Variants in ZNF280D observed in about 807,000 individuals in gnomAD.
ZNF280D encodes the protein zinc finger protein 280D.
Under a neutral mutation model 94.7 loss-of-function variants are expected in ZNF280D, and 39 were observed. The ratio of observed to expected loss-of-function variants is 0.41; its 90% confidence interval spans 0.32 to 0.54. The LOEUF (loss-of-function observed/expected upper bound fraction) is 0.54, where lower values mean the gene tolerates loss of function less well. Ranked by LOEUF, ZNF280D falls within the 20% of genes least tolerant of loss-of-function variation. ZNF280D has a pLI of 0.22. For missense variants in ZNF280D, 1,090 were observed against 1,149.3 expected, an observed-to-expected ratio of 0.95 and a Z score of 0.75; for synonymous variants, 398 against 377.6, an observed-to-expected ratio of 1.05 and a Z score of -0.63.
At chr15:56,663,281 C>CAA (rs59183252) in intron 16 of ZNF280D, among the ~76,000 whole-genome samples, 48,735 of 101,902 alleles carry the variant, frequency 0.48, 12,084 homozygotes, top group East Asian at 0.59. Context: ...GACCCTTTCT[C>CAA]AAAAAAAAAA....
At chr15:56,721,230 C>T (rs1379771914) in intron 1 of ZNF280D, among the ~76,000 whole-genome samples, 1 of 152,148 alleles carries the variant, frequency 6.6e-6, no homozygotes, top group Non-Finnish European at 1.5e-5. Flanking sequence ...CTCCACCTCC[C>T]AAAGTGTTGC....
intron 13 of ZNF280D, among the ~76,000 whole-genome samples, chr15:56,672,042 C>A (rs543666151): frequency 6.6e-6 from 1 of 152,222 alleles, no homozygotes; most frequent in East Asian, 1.9e-4. Flanking sequence ...TACCTTGGGA[C>A]TTTGCTGAAG....
At chr15:56,725,807 T>G (rs190155203) in intron 1 of ZNF280D, among the ~76,000 whole-genome samples, 159 of 152,086 alleles carry the variant, frequency 1.0e-3, no homozygotes, top group East Asian at 1.3e-3. Context: ...TTGGGGAATA[T>G]TCAGGTGATT....
chr15:56,686,225 G>A (rs1351722492), intron 9 of ZNF280D, among the ~76,000 whole-genome samples: 8 of 152,114 alleles, frequency 5.3e-5, no homozygotes, highest in African/African-American at 1.4e-4. Context: ...TGCAACCTCC[G>A]CCTCCCAGGT....
chr15:56,642,965 T>C lies in ZNF280D; in HGVS notation c.2246A>G (p.Glu749Gly). The C allele has an allele frequency of 6.6e-7, 1 of 1,510,806 alleles. No homozygotes were observed. Among genetic ancestry groups the C allele is most frequent in the South Asian group, 1.3e-5 (1 of 75,274 alleles). 93.6% of individuals were successfully genotyped at this position (1,510,806 alleles called of 1,614,324 possible). A position where few individuals can be genotyped will look rare whatever the true frequency, so the allele number is the denominator to read the frequency against. ...LKKEAPAKEQ[E>G]PVSKEIARPN... ...AACAAACTTTACCTTAGACACAGGTTCTTGTTCCTTTGCGGGAGCTTCTTT... is the reference window on the plus strand; with the variant it reads ...AACAAACTTTACCTTAGACACAGGTCCTTGTTCCTTTGCGGGAGCTTCTTT... The change falls in exon 20 of 22, where the codon GAA (glutamate) becomes GGA (glycine). Residue 749 changes from glutamate to glycine, a missense_variant. This residue lies in a region of ZNF280D where 577 missense variants were observed against 568.8 expected (regional missense o/e 1.01). Coordinates refer to ENST00000267807, the MANE Select transcript of ZNF280D (RefSeq NM_017661.4).
chr15:56,679,854 C>A (rs182246101), intron 10 of ZNF280D, among the ~76,000 whole-genome samples: 1 of 152,292 alleles, frequency 6.6e-6, no homozygotes, highest in African/African-American at 2.4e-5. Flanking sequence ...CTTGAAATAT[C>A]TTTTCCTCCT....
chr15:56,682,146 G>T, intron 10 of ZNF280D, 108 bp downstream of exon 10: 1 of 774,428 alleles, frequency 1.3e-6, no homozygotes, highest in Non-Finnish European at 2.0e-6. Context: ...AGTAGAAAGT[G>T]TTAAAATCAC....
chr15:56,681,979 C>A (rs559452579), intron 10 of ZNF280D, among the ~76,000 whole-genome samples: 1 of 152,016 alleles, frequency 6.6e-6, no homozygotes, highest in South Asian at 2.1e-4. Flanking sequence ...AAAATCACGA[C>A]TAAAACAGAA....
intron 21 of ZNF280D, among the ~76,000 whole-genome samples, chr15:56,634,805 T>C (rs1338197989): frequency 2.6e-5 from 4 of 152,126 alleles, no homozygotes; most frequent in Non-Finnish European, 4.4e-5. Context: ...AGTAGTCTTA[T>C]AGCTTTTTGA....
chr15:56,657,263 G>T (rs1429057078), intron 17 of ZNF280D, among the ~76,000 whole-genome samples: 3 of 151,964 alleles, frequency 2.0e-5, no homozygotes, highest in Non-Finnish European at 4.4e-5. Flanking sequence ...TTTATCAACA[G>T]TTCTTTCAGT....
intron 7 of ZNF280D, among the ~76,000 whole-genome samples, chr15:56,691,407 G>A (rs539597947): frequency 1.1e-4 from 17 of 152,264 alleles, no homozygotes; most frequent in African/African-American, 3.9e-4. Flanking sequence ...AAAAACCAAT[G>A]AATGCTGGAA....
intron 12 of ZNF280D, 115 bp from the exon 13 acceptor site, chr15:56,676,931 C>T (rs2055272344): frequency 4.0e-6 from 3 of 753,240 alleles, no homozygotes; most frequent in East Asian, 5.3e-5. Flanking sequence ...TAATCTAGCT[C>T]TGATGCCTTT....
At chr15:56,705,044 A>T (rs2057322111) in intron 3 of ZNF280D, among the ~76,000 whole-genome samples, 1 of 152,134 alleles carries the variant, frequency 6.6e-6, no homozygotes, top group South Asian at 2.1e-4. Flanking sequence ...TAGAATATGG[A>T]AAACTAATTA....
At chr15:56,677,038 G>A (rs978282714) in intron 12 of ZNF280D, among the ~76,000 whole-genome samples, 1 of 152,080 alleles carries the variant, frequency 6.6e-6, no homozygotes, top group Non-Finnish European at 1.5e-5. Context: ...AACAAAACTA[G>A]ATCTCCTTCT....
intron 1 of ZNF280D, among the ~76,000 whole-genome samples, chr15:56,707,824 G>A (rs1338819291): frequency 1.3e-5 from 2 of 151,366 alleles, no homozygotes; most frequent in African/African-American, 4.9e-5. Flanking sequence ...TGTATGGAAG[G>A]TAATGTGCTA....
Position 56,689,098 on chromosome 15 carries a change from A to C in ZNF280D, c.723T>G (p.Ala241=). 1.2e-6 allele frequency: 2 copies of C among 1,611,286 alleles called. No homozygotes were observed. The highest frequency in any genetic ancestry group is 1.7e-6 in the Non-Finnish European group (2 of 1,178,932). The change falls in exon 9 of 22, where the codon GCT becomes GCG. Residue 241 remains alanine (A), a synonymous_variant. Transcript: ENST00000267807. Reference sequence around the variant, plus strand: ...TGAAATGAATGTTGCACTTTGGACAAGCTCTTGGAAAAGGTGTTCCATTTT... The same window carrying C: ...TGAAATGAATGTTGCACTTTGGACACGCTCTTGGAAAAGGTGTTCCATTTT... The part of the protein sequence containing the change: ...QSKNGTPFPR[A]CPKCNIHFNL...
In ZNF280D at chr15:56,668,965, G is replaced by GA. The variant is rs748786188; in HGVS notation, c.1411-9dup. On this transcript the variant is annotated splice_polypyrimidine_tract_variant and intron_variant, in intron 13 of 21. Coordinates refer to ENST00000267807, the MANE Select transcript of ZNF280D (RefSeq NM_017661.4). Reference sequence around the variant, plus strand: ...ACGATGTATTCCTTTTTTCTGTTTAGAAAAAAACAGAAAAAGGGGGAAAAA... The same window carrying GA: ...ACGATGTATTCCTTTTTTCTGTTTAGAAAAAAAACAGAAAAAGGGGGAAAAA... The GA allele has an allele frequency of 2.2e-4, 348 of 1,589,048 alleles. 1 individual carries two copies. The Middle Eastern group carries it at 3.7e-3, about 17-fold the overall frequency.
chr15:56,722,333 G>C (rs2058411878), intron 1 of ZNF280D, among the ~76,000 whole-genome samples: 1 of 152,174 alleles, frequency 6.6e-6, no homozygotes, highest in African/African-American at 2.4e-5. Context: ...GGCTGAGATA[G>C]ACTTGCTCAA....
intron 17 of ZNF280D, chr15:56,654,825 A>G (rs547283638): frequency 8.4e-6 from 4 of 473,730 alleles, no homozygotes; most frequent in South Asian, 6.2e-5. Flanking sequence ...GTCACATTCT[A>G]TTTGTCCTCC....
Sources: allele counts gnomAD v4.1 joint callset (sites outside exome capture counted in the v4.1 genomes callset), GRCh38; gene constraint gnomAD v4.1.1; regional missense constraint gnomAD v4.1.1; transcripts MANE v1.5; gene names NCBI Gene and HGNC (gene_info 2026-07-23, HGNC 2026-07-21).